RALGPS2: variants seen among roughly 807,000 people sequenced by gnomAD.
The protein encoded by RALGPS2 is ras-specific guanine nucleotide-releasing factor RalGPS2.
RALGPS2 carries 43 observed loss-of-function variants against 86.8 expected under a neutral mutation model. That is an observed-to-expected ratio of 0.50 (90% CI 0.39 to 0.64). The LOEUF is 0.64. Ranked by LOEUF, RALGPS2 falls within the 30% of genes least tolerant of loss-of-function variation. The pLI, the probability that RALGPS2 is intolerant of heterozygous loss-of-function variation, is 0.00. For synonymous variants in RALGPS2, 243 were observed against 231.3 expected, an observed-to-expected ratio of 1.05 and a Z score of -0.46; for missense variants, 536 against 694.6, an observed-to-expected ratio of 0.77 and a Z score of 2.57.
Position 178,865,133 on chromosome 1 carries a change from A to C in RALGPS2, c.608-12365A>C, listed in dbSNP as rs1658301981. ...AATATGTTGTGGCACCACCTGGACAAGTGGGGGAGACACATGGGTGTCTTG... is the reference window on the plus strand; with the variant it reads ...AATATGTTGTGGCACCACCTGGACACGTGGGGGAGACACATGGGTGTCTTG... On this transcript the variant is annotated intron_variant, in intron 8 of 19. Transcript: ENST00000367635. 3 of 1,592,750 alleles carry C rather than the reference A, an allele frequency of 1.9e-6. No homozygotes were observed. In the African/African-American group the frequency reaches 4.0e-5, roughly 21 times the overall value.
intron 7 of RALGPS2, among the ~76,000 whole-genome samples, chr1:178,821,951 A>G (rs576116657): frequency 1.3e-5 from 2 of 152,252 alleles, no homozygotes; most frequent in Admixed American, 1.3e-4. Context: ...TTGTTGAAAC[A>G]CTTTCAATAT....
intron 1 of RALGPS2, among the ~76,000 whole-genome samples, chr1:178,731,261 T>G (rs1244654657): frequency 6.7e-6 from 1 of 149,072 alleles, no homozygotes; most frequent in Admixed American, 6.8e-5. Context: ...TATACTTTTC[T>G]AGTTGTTTTG....
intron 1 of RALGPS2, chr1:178,747,840 A>T: frequency 1.7e-6 from 1 of 604,210 alleles, no homozygotes; most frequent in South Asian, 1.9e-5. Context: ...CCTATATTAC[A>T]TTAATCATAA....
chr1:178,920,263 A>G lies in RALGPS2; in HGVS notation c.*3904A>G, dbSNP rs531325586. The G allele has an allele frequency of 6.6e-6, 1 of 151,744 alleles. No individual in the cohort carries two copies. The highest frequency in any genetic ancestry group is 2.4e-5 in the African/African-American group (1 of 41,458). 9.4% of individuals were successfully genotyped at this position (151,744 alleles called of 1,614,324 possible). A position where few individuals can be genotyped will look rare whatever the true frequency, so the allele number is the denominator to read the frequency against. On this transcript the variant is annotated 3_prime_UTR_variant, in exon 20 of 20. Coordinates refer to ENST00000367635, the MANE Select transcript of RALGPS2 (RefSeq NM_152663.5). The stretch of plus-strand genomic sequence containing the variant: ...TGTCTAAAGTGACATTTTTTTCCCT[A>G]TTTGGAGGGTTCTAATGAAAGAGAT...
chr1:178,731,271 G>GTTTTTTTTTTTTTTTTTTT (rs1491268143), intron 1 of RALGPS2, among the ~76,000 whole-genome samples: 1 of 69,380 alleles, frequency 1.4e-5, no homozygotes, highest in African/African-American at 5.2e-5. Flanking sequence ...TAGTTGTTTT[G>GTTTTTTTTTTTTTTTTTTT]GTTTTTTTTT....
intron 5 of RALGPS2, among the ~76,000 whole-genome samples, chr1:178,810,108 G>A (rs1401903476): frequency 9.2e-5 from 14 of 152,008 alleles, no homozygotes; most frequent in Non-Finnish European, 1.9e-4. Flanking sequence ...CGTTGGCCAG[G>A]TGTAGTGGCT....
chr1:178,839,960 A>G (rs993311248), intron 8 of RALGPS2, among the ~76,000 whole-genome samples: 1 of 152,250 alleles, frequency 6.6e-6, no homozygotes, highest in African/African-American at 2.4e-5. Context: ...ACTATCCTAA[A>G]TATATATGCA....
intron 1 of RALGPS2, among the ~76,000 whole-genome samples, chr1:178,752,335 A>G (rs1285397657): frequency 7.1e-6 from 1 of 141,324 alleles, no homozygotes; most frequent in Non-Finnish European, 1.5e-5. Context: ...TTTTTTGTAG[A>G]GATTGGTGGC....
chr1:178,788,103 T>A (rs12118316), intron 4 of RALGPS2, among the ~76,000 whole-genome samples: 6,890 of 152,280 alleles, frequency 0.045, 160 homozygotes, highest in Non-Finnish European at 0.057. Context: ...CTTTAGCCCC[T>A]CTCACCACTG....
intron 4 of RALGPS2, among the ~76,000 whole-genome samples, chr1:178,796,989 A>G (rs1177910835): frequency 6.6e-6 from 1 of 152,206 alleles, no homozygotes; most frequent in Non-Finnish European, 1.5e-5. Flanking sequence ...ATCCATTGTA[A>G]CAAATTTTAA....
chr1:178,800,506 A>G (rs1485150527), intron 4 of RALGPS2, among the ~76,000 whole-genome samples: 1 of 151,702 alleles, frequency 6.6e-6, no homozygotes, highest in African/African-American at 2.4e-5. Context: ...CACTTAACGA[A>G]TAGTAAATTC....
chr1:178,836,609 TG>T (rs1656284594), intron 8 of RALGPS2, among the ~76,000 whole-genome samples: 2 of 152,222 alleles, frequency 1.3e-5, no homozygotes, highest in South Asian at 4.1e-4. Flanking sequence ...ATCTTAATTG[TG>T]TGAGGGTTGG....
chr1:178,743,539 A>G (rs533463409), intron 1 of RALGPS2, among the ~76,000 whole-genome samples: 15 of 152,348 alleles, frequency 9.8e-5, no homozygotes, highest in South Asian at 2.1e-4. Context: ...ACAAAAATCA[A>G]TGAAAATTGA....
At chr1:178,868,489 A>G (rs1658555066) in intron 8 of RALGPS2, among the ~76,000 whole-genome samples, 1 of 152,044 alleles carries the variant, frequency 6.6e-6, no homozygotes, top group Admixed American at 6.6e-5. Flanking sequence ...GCAGGAAGTA[A>G]TATAAAACTC....
At chr1:178,796,637 C>T (rs1204642387) in intron 4 of RALGPS2, among the ~76,000 whole-genome samples, 1 of 152,130 alleles carries the variant, frequency 6.6e-6, no homozygotes, top group Non-Finnish European at 1.5e-5. Context: ...CCTACAGCAT[C>T]ACCCTTAGAA....
rs577219255 is a variant in RALGPS2, at chr1:178,792,478, T to C, written c.213+6871T>C. Among the ~76,000 whole-genome samples the C allele has an allele frequency of 3.0e-4, 45 of 152,318 alleles. No individual in the cohort carries two copies. In the South Asian group the frequency reaches 3.9e-3, roughly 13 times the overall value. ...CATATTTATTGAAAGAATAAAATGC[T>C]ATTACACGGCTGCAGCTCATTGGCT... On this transcript the variant is annotated intron_variant, in intron 4 of 19. Transcript: ENST00000367635.
At chr1:178,734,335 C>T (rs1410783825) in intron 1 of RALGPS2, among the ~76,000 whole-genome samples, 1 of 152,168 alleles carries the variant, frequency 6.6e-6, no homozygotes, top group African/African-American at 2.4e-5. Flanking sequence ...ACCATACGAC[C>T]CAGCAGTTCC....
At chr1:178,870,364 G>A (rs1392078403) in intron 8 of RALGPS2, among the ~76,000 whole-genome samples, 1 of 152,100 alleles carries the variant, frequency 6.6e-6, no homozygotes, top group African/African-American at 2.4e-5. Context: ...TTGTGTTCAC[G>A]ACTATTTAGT....
At chr1:178,885,241 T>G (rs1425251095) in intron 12 of RALGPS2, 30 bp downstream of exon 12, 6 of 1,583,042 alleles carry the variant, frequency 3.8e-6, no homozygotes, top group Non-Finnish European at 5.2e-6. Context: ...TCTTTCAAAT[T>G]TTTAAGTCTT....
Sources: allele counts gnomAD v4.1 joint callset (sites outside exome capture counted in the v4.1 genomes callset), GRCh38; gene constraint gnomAD v4.1.1; transcripts MANE v1.5; gene names NCBI Gene and HGNC (gene_info 2026-07-23, HGNC 2026-07-21).